The following FYB2 variants were observed in gnomAD, a reference collection of about 807,000 sequenced individuals.
The protein encoded by FYB2 is FYN-binding protein 2.
FYB2 carries 103 observed loss-of-function variants against 94.1 expected under a neutral mutation model. The ratio of observed to expected loss-of-function variants is 1.09; its 90% confidence interval spans 0.93 to 1.29. The LOEUF is 1.29. Ranked by LOEUF, FYB2 falls within the 50% of genes most tolerant of loss-of-function variation. The pLI is 0.00. For synonymous variants in FYB2, 293 were observed against 287.9 expected, an observed-to-expected ratio of 1.02 and a Z score of -0.18; for missense variants, 896 against 841.5, an observed-to-expected ratio of 1.06 and a Z score of -0.80.
intron 15 of FYB2, among the ~76,000 whole-genome samples, chr1:56,732,652 T>C (rs2100548526): frequency 6.6e-6 from 1 of 152,146 alleles, no homozygotes; most frequent in South Asian, 2.1e-4. Context: ...TGGAACAGAA[T>C]AGATAACCCA....
chr1:56,820,342 A>G (rs1223603689), upstream of FYB2, among the ~76,000 whole-genome samples: 6 of 152,104 alleles, frequency 3.9e-5, no homozygotes, highest in East Asian at 1.2e-3. Context: ...GGCTGACTCT[A>G]AAGTGATTTT....
chr1:56,757,207 G>C (rs1052139680), intron 6 of FYB2, among the ~76,000 whole-genome samples: 2 of 152,104 alleles, frequency 1.3e-5, no homozygotes, highest in African/African-American at 4.8e-5. Context: ...CATTTGTGCA[G>C]AACAGTTTAT....
At chr1:56,742,067 TG>T (rs1340983311) in intron 12 of FYB2, 93 bp downstream of exon 12, 7 of 974,808 alleles carry the variant, frequency 7.2e-6, no homozygotes, top group South Asian at 4.4e-5. Context: ...GCAGTGGGGC[TG>T]GGGGGCGGAT....
upstream of FYB2, among the ~76,000 whole-genome samples, chr1:56,820,888 G>T (rs767408785): frequency 6.6e-6 from 1 of 152,234 alleles, no homozygotes; most frequent in South Asian, 2.1e-4. Context: ...TTGTGTAATC[G>T]TGCTGATATT....
At chr1:56,772,745 T>C (rs536040541) in intron 4 of FYB2, among the ~76,000 whole-genome samples, 1 of 152,272 alleles carries the variant, frequency 6.6e-6, no homozygotes, top group East Asian at 1.9e-4. Flanking sequence ...CATTTCCTGC[T>C]CTATAAAACA....
At chr1:56,782,321 A>T (rs1646027740) in intron 4 of FYB2, among the ~76,000 whole-genome samples, 1 of 152,004 alleles carries the variant, frequency 6.6e-6, no homozygotes, top group African/African-American at 2.4e-5. Flanking sequence ...ATACTCTTAA[A>T]TTTTTGTTTA....
Position 56,737,087 on chromosome 1 carries a change from T to G in FYB2, c.1793A>C (p.Lys598Thr). Residue 598 changes from lysine (K) to threonine (T), a missense_variant and splice_region_variant, in exon 15 of 20, where the codon AAA becomes ACA. Coordinates refer to ENST00000343433, the MANE Select transcript of FYB2 (RefSeq NM_001004303.5). ...DDVDLSEKES[K>T]DEDKLKMWKP... ...ATGACCAATAAGGTAAATTACTTAC[T>G]TTGACTCTTTTTCACTCAGGTCTAC... 1 of 1,597,922 alleles carries G rather than the reference T, an allele frequency of 6.3e-7. No homozygotes were observed.
At chr1:56,822,756 A>AAC (rs1219761162), upstream of FYB2, among the ~76,000 whole-genome samples, 1 of 151,656 alleles carries the variant, frequency 6.6e-6, no homozygotes, top group African/African-American at 2.4e-5. Context: ...GTAAAAAAAA[A>AAC]AAAAGGAGCA....
intron 15 of FYB2, among the ~76,000 whole-genome samples, chr1:56,734,882 G>A (rs2100564414): frequency 6.6e-6 from 1 of 151,824 alleles, no homozygotes; most frequent in South Asian, 2.1e-4. Flanking sequence ...AATCACCAGG[G>A]AAATGCAAAT....
chr1:56,736,959 A>G, intron 15 of FYB2, 128 bp downstream of exon 15: 2 of 724,742 alleles, frequency 2.8e-6, no homozygotes, highest in Non-Finnish European at 4.6e-6. Flanking sequence ...TAGTGAGAAG[A>G]CTATCTTAAG....
intron 18 of FYB2, 38 bp downstream of exon 18, chr1:56,720,135 A>G (rs377372233): frequency 1.3e-6 from 2 of 1,584,794 alleles, no homozygotes; most frequent in Admixed American, 1.9e-5. Context: ...TTTTTTAAAA[A>G]GAATGAAATA....
chr1:56,736,693 G>C (rs780096331), intron 15 of FYB2, among the ~76,000 whole-genome samples: 4 of 152,096 alleles, frequency 2.6e-5, no homozygotes, highest in Admixed American at 6.6e-5. Flanking sequence ...TGGGATTACA[G>C]GCATGAGCCA....
At chr1:56,786,167 T>C (rs1384945662) in intron 4 of FYB2, among the ~76,000 whole-genome samples, 1 of 152,134 alleles carries the variant, frequency 6.6e-6, no homozygotes, top group Non-Finnish European at 1.5e-5. Flanking sequence ...CCCCAGCCAA[T>C]ATTGCAAAGT....
chr1:56,753,978 T>A (rs1360847587), intron 7 of FYB2, 43 bp from the exon 8 acceptor site: 1 of 1,250,370 alleles, frequency 8.0e-7, no homozygotes, highest in Non-Finnish European at 1.2e-6. Context: ...AAGCTTAGAG[T>A]GTTTAAATGA....
intron 2 of FYB2, 133 bp from the exon 3 acceptor site, chr1:56,789,267 C>T (rs1646206544): frequency 9.8e-7 from 1 of 1,017,354 alleles, no homozygotes; most frequent in Non-Finnish European, 1.4e-6. Flanking sequence ...GTGCCCTGAT[C>T]AATACATAAA....
intron 15 of FYB2, among the ~76,000 whole-genome samples, chr1:56,729,712 C>T (rs1411437835): frequency 5.9e-5 from 9 of 152,080 alleles, no homozygotes; most frequent in African/African-American, 1.9e-4. Context: ...ACATGTTACT[C>T]ATGTTCTGTA....
intron 4 of FYB2, among the ~76,000 whole-genome samples, chr1:56,786,548 A>G (rs372720424): frequency 9.0e-4 from 137 of 152,302 alleles, no homozygotes; most frequent in African/African-American, 3.1e-3. Context: ...GGTGAGGTAT[A>G]TAATCAGTGT....
chr1:56,784,903 G>A (rs1024621093), intron 4 of FYB2, among the ~76,000 whole-genome samples: 2 of 152,110 alleles, frequency 1.3e-5, no homozygotes, highest in African/African-American at 4.8e-5. Flanking sequence ...TATCTAATTC[G>A]TACCTATTAT....
Position 56,719,464 on chromosome 1 carries a change from A to T in FYB2, c.*207T>A. ...CAGTGAAGTAGATACTGAAATAGAC[A>T]TTGAAAGATAACCTTTTAGGAGTAA... On this transcript the variant is annotated 3_prime_UTR_variant, in exon 20 of 20. Coordinates refer to ENST00000343433, the MANE Select transcript of FYB2 (RefSeq NM_001004303.5). 1 of 521,230 alleles carries T rather than the reference A, an allele frequency of 1.9e-6. No homozygotes were observed. The highest frequency in any genetic ancestry group is 3.4e-6 in the Non-Finnish European group (1 of 296,068). 32.3% of individuals were successfully genotyped at this position (521,230 alleles called of 1,614,324 possible).
Sources: allele counts gnomAD v4.1 joint callset (sites outside exome capture counted in the v4.1 genomes callset), GRCh38; gene constraint gnomAD v4.1.1; transcripts MANE v1.5; gene names NCBI Gene and HGNC (gene_info 2026-07-23, HGNC 2026-07-21).